Variants in ITFG1 observed in about 807,000 individuals in gnomAD.
ITFG1 encodes T-cell immunomodulatory protein.
ITFG1 carries 34 observed loss-of-function variants against 81.8 expected under a neutral mutation model. The ratio of observed to expected loss-of-function variants is 0.42; its 90% CI spans 0.32 to 0.55. The LOEUF is 0.55. Among genes scored for constraint, ITFG1 ranks in the 20% least tolerant of loss-of-function variants. ITFG1 has a pLI of 0.17. For missense variants in ITFG1, 672 were observed against 755.4 expected, an observed-to-expected ratio of 0.89 and a Z score of 1.29; for synonymous variants, 285 against 270.6, an observed-to-expected ratio of 1.05 and a Z score of -0.52.
intron 1 of ITFG1, among the ~76,000 whole-genome samples, chr16:47,459,625 T>C (rs1969498204): frequency 6.6e-6 from 1 of 152,202 alleles, no homozygotes; most frequent in Non-Finnish European, 1.5e-5. Context: ...GACAAAGACA[T>C]AATTAAGCAT....
chr16:47,458,107 A>G (rs1969476335), intron 2 of ITFG1, among the ~76,000 whole-genome samples: 1 of 152,238 alleles, frequency 6.6e-6, no homozygotes, highest in South Asian at 2.1e-4. Flanking sequence ...GTTTACAAGT[A>G]AATCAATTTA....
chr16:47,180,164 C>A (rs1965087955), intron 14 of ITFG1, among the ~76,000 whole-genome samples: 1 of 152,130 alleles, frequency 6.6e-6, no homozygotes, highest in Admixed American at 6.6e-5. Flanking sequence ...CTATAATAAA[C>A]TGAAGGTTTG....
intron 6 of ITFG1, among the ~76,000 whole-genome samples, chr16:47,405,417 G>A: frequency 6.6e-6 from 1 of 152,022 alleles, no homozygotes; most frequent in Non-Finnish European, 1.5e-5. Flanking sequence ...TTATTTTTGT[G>A]GGCAATATAT....
intron 13 of ITFG1, among the ~76,000 whole-genome samples, chr16:47,223,215 A>C (rs1394097372): frequency 6.6e-6 from 1 of 152,040 alleles, no homozygotes; most frequent in African/African-American, 2.4e-5. Flanking sequence ...CAATGGCAAC[A>C]AAAGCCAAAA....
intron 8 of ITFG1, among the ~76,000 whole-genome samples, chr16:47,322,790 A>G (rs1967468416): frequency 6.6e-6 from 1 of 152,246 alleles, no homozygotes; most frequent in Non-Finnish European, 1.5e-5. Context: ...CTGTGTGTTC[A>G]GAGCACTTAA....
intron 9 of ITFG1, chr16:47,311,965 G>C (rs778761942): frequency 8.5e-5 from 13 of 152,158 alleles, no homozygotes; most frequent in Non-Finnish European, 1.5e-4. Context: ...GGCCTGACAG[G>C]CTTCATCAGT....
At chr16:47,256,134 T>C (rs1654671770) in intron 12 of ITFG1, among the ~76,000 whole-genome samples, 2 of 152,094 alleles carry the variant, frequency 1.3e-5, no homozygotes, top group South Asian at 4.1e-4. Flanking sequence ...CAACTAAATT[T>C]CGTATTTTTT....
Position 47,258,669 on chromosome 16 carries a change from A to AT in ITFG1, c.1292dup (p.Asn431LysfsTer2). On this transcript the variant is annotated frameshift_variant, in exon 12 of 18. Transcript: ENST00000320640. LOFTEE classifies it high-confidence loss of function. ...CAAAATAAGCATCTGCTTCAAAGTTATTTTTTAGTGTATGAATGGCAAAAT... is the reference window on the plus strand; with the variant it reads ...CAAAATAAGCATCTGCTTCAAAGTTATTTTTTTAGTGTATGAATGGCAAAAT... 6.5e-7 allele frequency: 1 copy of AT among 1,535,334 alleles called. No homozygotes were observed. The highest frequency in any genetic ancestry group is 2.3e-5 in the East Asian group (1 of 43,408).
intron 8 of ITFG1, among the ~76,000 whole-genome samples, chr16:47,315,201 C>T (rs994658312): frequency 2.0e-5 from 3 of 151,450 alleles, no homozygotes; most frequent in African/African-American, 7.3e-5. Context: ...TAATTTGCAA[C>T]ATATAGATTT....
At chr16:47,345,532 C>G (rs1052287981) in intron 8 of ITFG1, among the ~76,000 whole-genome samples, 1 of 152,130 alleles carries the variant, frequency 6.6e-6, no homozygotes, top group Admixed American at 6.5e-5. Flanking sequence ...CTCCTGACCT[C>G]AAGAGATCCG....
At chr16:47,206,740 GC>G (rs1250509664) in intron 14 of ITFG1, among the ~76,000 whole-genome samples, 1 of 152,118 alleles carries the variant, frequency 6.6e-6, no homozygotes, top group African/African-American at 2.4e-5. Context: ...ATGAAGAAGT[GC>G]AGTTAATGCC....
At chr16:47,249,607 C>G (rs542025525) in intron 12 of ITFG1, among the ~76,000 whole-genome samples, 9 of 152,134 alleles carry the variant, frequency 5.9e-5, no homozygotes, top group Non-Finnish European at 1.2e-4. Context: ...AATTAAAACA[C>G]TTGATGAGCT....
At chr16:47,422,299 G>A (rs1968960994) in intron 6 of ITFG1, among the ~76,000 whole-genome samples, 1 of 152,206 alleles carries the variant, frequency 6.6e-6, no homozygotes, top group African/African-American at 2.4e-5. Context: ...CACCAACAGT[G>A]TAAAAGTGTT....
At chr16:47,177,247 G>C (rs1275666476) in intron 14 of ITFG1, among the ~76,000 whole-genome samples, 1 of 152,164 alleles carries the variant, frequency 6.6e-6, no homozygotes, top group Non-Finnish European at 1.5e-5. Context: ...TGGGATTACA[G>C]GTGTGAGCCA....
intron 6 of ITFG1, among the ~76,000 whole-genome samples, chr16:47,417,307 G>A (rs1968887194): frequency 6.6e-6 from 1 of 152,156 alleles, no homozygotes; most frequent in Non-Finnish European, 1.5e-5. Context: ...AACAGATTAA[G>A]CAAATGCCTC....
chr16:47,452,038 A>G (rs1490473092), intron 4 of ITFG1, among the ~76,000 whole-genome samples: 2 of 152,216 alleles, frequency 1.3e-5, no homozygotes, highest in Non-Finnish European at 2.9e-5. Flanking sequence ...ATATTTTAAC[A>G]ACAATGAAAA....
intron 14 of ITFG1, among the ~76,000 whole-genome samples, chr16:47,185,477 AC>A (rs1965199063): frequency 6.6e-6 from 1 of 152,202 alleles, no homozygotes; most frequent in South Asian, 2.1e-4. Flanking sequence ...CCGCTCAACT[AC>A]ATGGAAACTG....
chr16:47,421,270 GCACACACACACA>G (rs58232411), intron 6 of ITFG1, among the ~76,000 whole-genome samples: 174 of 130,024 alleles, frequency 1.3e-3, no homozygotes, highest in South Asian at 4.2e-3. Context: ...ACATACATAT[GCACACACACACA>G]CACACACACA....
chr16:47,310,853 C>T (rs1001316729), intron 10 of ITFG1, among the ~76,000 whole-genome samples: 4 of 152,108 alleles, frequency 2.6e-5, no homozygotes, highest in African/African-American at 9.7e-5. Context: ...CAAAGTCACA[C>T]AGATGGTAAG....
Sources: allele counts gnomAD v4.1 joint callset (sites outside exome capture counted in the v4.1 genomes callset), GRCh38; gene constraint gnomAD v4.1.1; transcripts MANE v1.5; gene names NCBI Gene and HGNC (gene_info 2026-07-23, HGNC 2026-07-21).